PLCL1: variants seen among roughly 807,000 people sequenced by gnomAD.
The protein encoded by PLCL1 is phospholipase C like 1 (inactive).
In PLCL1, 41 loss-of-function variants were observed where a neutral mutation model predicts 84.4. That is an observed-to-expected ratio of 0.49 (90% CI 0.38 to 0.63). The LOEUF is 0.63. PLCL1 is among the 30% of genes least tolerant of loss of function. The pLI is 0.00. For missense variants in PLCL1, 1,206 were observed against 1,367.8 expected (o/e 0.88, Z 1.87); for synonymous variants, 490 against 488.3 (o/e 1.00, Z -0.05).
intron 1 of PLCL1, among the ~76,000 whole-genome samples, chr2:198,022,820 TGCCCAAA>T (rs1407961009): frequency 1.3e-5 from 2 of 152,232 alleles, no homozygotes; most frequent in African/African-American, 4.8e-5. Flanking sequence ...ATGATCATAC[TGCCCAAA>T]GTAATTTATA....
chr2:198,039,094 A>C (rs1481902342), intron 1 of PLCL1, among the ~76,000 whole-genome samples: 1 of 152,120 alleles, frequency 6.6e-6, no homozygotes, highest in Non-Finnish European at 1.5e-5. Context: ...CAGGTTCTTT[A>C]TACATTTTTG....
At chr2:198,030,830 C>T (rs1298258420) in intron 1 of PLCL1, among the ~76,000 whole-genome samples, 1 of 152,104 alleles carries the variant, frequency 6.6e-6, no homozygotes, top group African/African-American at 2.4e-5. Flanking sequence ...TGATTTGACC[C>T]AGGAGGAATG....
At chr2:197,995,063 C>T (rs1045861662) in intron 1 of PLCL1, among the ~76,000 whole-genome samples, 1 of 152,196 alleles carries the variant, frequency 6.6e-6, no homozygotes, top group African/African-American at 2.4e-5. Context: ...ACATATGGCA[C>T]ATATCCATGA....
At position 198,045,365 on chromosome 2, in the gene PLCL1, T is replaced by A. The variant is rs1004886644; in HGVS notation, c.241-38393T>A. ...GTTTATTCAGTTTCATTTAATATTG[T>A]ACTTTTATGAGGGTTATGAATCATA... On this transcript the variant is annotated intron_variant, in intron 1 of 5. Coordinates refer to ENST00000428675, the MANE Select transcript of PLCL1 (RefSeq NM_006226.4). Among the ~76,000 whole-genome samples, 8 of 152,320 alleles carry A rather than the reference T, an allele frequency of 5.3e-5. No individual in the cohort carries two copies. In the East Asian group the frequency reaches 1.5e-3, roughly 29 times the overall value.
rs562190348 is a variant in PLCL1 at position 197,916,458 on chromosome 2, A to G, written c.240+111119A>G. 1.6e-4 allele frequency among the ~76,000 whole-genome samples: 25 copies of G among 152,286 alleles called. No homozygotes were observed. The South Asian group carries it at 5.2e-3, about 32-fold the overall frequency. Reference sequence around the variant, plus strand: ...GTTTTCTCATTTATAAAACAGAGATACTGATAGTATTTACATTTAGGGTTG... The same window carrying G: ...GTTTTCTCATTTATAAAACAGAGATGCTGATAGTATTTACATTTAGGGTTG... On this transcript the variant is annotated intron_variant, in intron 1 of 5. Transcript: ENST00000428675.
At chr2:197,875,361 C>G (rs1198737197) in intron 1 of PLCL1, among the ~76,000 whole-genome samples, 4 of 152,002 alleles carry the variant, frequency 2.6e-5, no homozygotes, top group African/African-American at 9.7e-5. Flanking sequence ...GGGATAAGGA[C>G]AGTCAGGAAA....
intron 1 of PLCL1, among the ~76,000 whole-genome samples, chr2:197,882,370 CTG>C (rs1687844301): frequency 6.6e-6 from 1 of 152,114 alleles, no homozygotes; most frequent in East Asian, 1.9e-4. Flanking sequence ...AAAGGCCAAA[CTG>C]TGTTCATCTA....
intron 1 of PLCL1, among the ~76,000 whole-genome samples, chr2:197,975,578 A>G (rs918959448): frequency 2.0e-5 from 3 of 152,124 alleles, no homozygotes; most frequent in African/African-American, 7.2e-5. Flanking sequence ...CCTAGGTGGG[A>G]AGATTGCTTG....
chr2:198,075,381 C>A (rs542734226), intron 1 of PLCL1, among the ~76,000 whole-genome samples: 168 of 152,342 alleles, frequency 1.1e-3, no homozygotes, highest in African/African-American at 3.9e-3. Flanking sequence ...GTCAGATGAC[C>A]TTTATTGTTG....
chr2:197,924,029 C>G (rs889216284), intron 1 of PLCL1, among the ~76,000 whole-genome samples: 8 of 144,176 alleles, frequency 5.5e-5, no homozygotes, highest in South Asian at 2.5e-4. Context: ...TGCCTGCAAT[C>G]GCAGGCACTC....
chr2:197,828,858 C>A (rs1690989412), intron 1 of PLCL1, among the ~76,000 whole-genome samples: 1 of 152,162 alleles, frequency 6.6e-6, no homozygotes, highest in South Asian at 2.1e-4. Context: ...ACCACTTTAA[C>A]TCAAAAGTTA....
chr2:197,890,733 T>C (rs1688004487), intron 1 of PLCL1, among the ~76,000 whole-genome samples: 1 of 140,708 alleles, frequency 7.1e-6, no homozygotes, highest in African/African-American at 2.8e-5. Context: ...TATGCATATG[T>C]ACGTATATAT....
chr2:198,108,816 T>C (rs1336383205), intron 5 of PLCL1, among the ~76,000 whole-genome samples: 2 of 151,924 alleles, frequency 1.3e-5, no homozygotes, highest in Non-Finnish European at 2.9e-5. Context: ...GTTTAGCGTA[T>C]CTTTTGCATT....
chr2:198,071,641 T>C (rs1178155307), intron 1 of PLCL1, among the ~76,000 whole-genome samples: 1 of 151,866 alleles, frequency 6.6e-6, no homozygotes, highest in African/African-American at 2.4e-5. Context: ...TTTCCAAAAT[T>C]TGTTTGTGAA....
At chr2:197,870,850 C>T (rs375468706) in intron 1 of PLCL1, among the ~76,000 whole-genome samples, 11 of 152,084 alleles carry the variant, frequency 7.2e-5, no homozygotes, top group East Asian at 5.8e-4. Context: ...AGCTGAGATT[C>T]TTACTACTGG....
intron 1 of PLCL1, among the ~76,000 whole-genome samples, chr2:197,831,579 T>C (rs1416395462): frequency 1.3e-5 from 2 of 152,196 alleles, no homozygotes; most frequent in African/African-American, 4.8e-5. Flanking sequence ...TAGGAGACTT[T>C]AACACCCCAC....
intron 2 of PLCL1, 31 bp from the exon 3 acceptor site, chr2:198,088,827 G>A (rs1212796752): frequency 7.4e-7 from 1 of 1,359,798 alleles, no homozygotes; most frequent in Non-Finnish European, 1.1e-6. Flanking sequence ...CAGGTGGTCA[G>A]AAGTGTGATT....
chr2:198,103,507 G>T (rs1359780443), intron 4 of PLCL1, among the ~76,000 whole-genome samples: 1 of 151,878 alleles, frequency 6.6e-6, no homozygotes, highest in Non-Finnish European at 1.5e-5. Flanking sequence ...ATCTTGTTGT[G>T]TTATCAATTA....
chr2:198,053,967 C>G (rs1692004031), intron 1 of PLCL1, among the ~76,000 whole-genome samples: 1 of 152,176 alleles, frequency 6.6e-6, no homozygotes, highest in Non-Finnish European at 1.5e-5. Flanking sequence ...TATGGAGTTG[C>G]CTTTCTCTCT....
Sources: gnomAD v4.1 joint callset for allele counts (sites outside exome capture counted in the v4.1 genomes callset) on GRCh38, gnomAD v4.1.1 for gene constraint, MANE v1.5 for transcripts, NCBI Gene and HGNC (gene_info 2026-07-23, HGNC 2026-07-21) for gene names.